Variants in GALNT13 observed in about 807,000 individuals in gnomAD.
GALNT13 encodes polypeptide N-acetylgalactosaminyltransferase 13.
Under a neutral mutation model 64.2 loss-of-function variants are expected in GALNT13, and 28 were observed. The ratio of observed to expected loss-of-function variants is 0.44; its 90% CI spans 0.32 to 0.60. The LOEUF is 0.60. Ranked by LOEUF, GALNT13 falls within the 20% of genes least tolerant of loss-of-function variation. The probability of loss-of-function intolerance (pLI) is 0.05; values close to 1 mark genes in which losing one functional copy is unlikely to be tolerated. For missense variants in GALNT13, 577 were observed against 669.8 expected (o/e 0.86, Z 1.53); for synonymous variants, 214 against 224.6 (o/e 0.95, Z 0.42).
In GALNT13 at chr2:154,286,336, T is replaced by G. The variant is rs565578811; in HGVS notation, c.976-15073T>G. 3.3e-5 allele frequency among the ~76,000 whole-genome samples: 5 copies of G among 152,320 alleles called. No homozygotes were observed. In the South Asian group the frequency reaches 1.0e-3, roughly 32 times the overall value. On this transcript the variant is annotated intron_variant, in intron 8 of 12. Coordinates refer to ENST00000392825, the MANE Select transcript of GALNT13 (RefSeq NM_052917.4). ...CTTATCATACATGGCTTTTATTGTA[T>G]TGGGGTACATTTATTCTATACCTAG...
At chr2:153,236,526 C>T in the GALNT13 span, among the ~76,000 whole-genome samples, 8 of 152,004 alleles carry the variant, frequency 5.3e-5, no homozygotes. Flanking sequence ...AATCCGAGGA[C>T]CCTTAAGAAT....
the GALNT13 span, among the ~76,000 whole-genome samples, chr2:153,315,772 T>C: frequency 6.6e-6 from 1 of 152,146 alleles, no homozygotes; most frequent in African/African-American, 2.4e-5. Flanking sequence ...GTTGCTAAGA[T>C]TGGTCATAAA....
chr2:154,343,260 T>A (rs1328821556), intron 9 of GALNT13, among the ~76,000 whole-genome samples: 1 of 151,970 alleles, frequency 6.6e-6, no homozygotes, highest in Non-Finnish European at 1.5e-5. Context: ...AAAAAGAAAA[T>A]GTTAAGGAAT....
the GALNT13 span, among the ~76,000 whole-genome samples, chr2:153,663,137 T>G: frequency 1.3e-5 from 2 of 152,210 alleles, no homozygotes; most frequent in African/African-American, 4.8e-5. Context: ...TGTGAGTAGC[T>G]GAATATCCAT....
the GALNT13 span, among the ~76,000 whole-genome samples, chr2:153,142,959 C>T: frequency 6.6e-6 from 1 of 151,704 alleles, no homozygotes; most frequent in Non-Finnish European, 1.5e-5. Flanking sequence ...GTTCAACTTC[C>T]CAAGGAGAAT....
At chr2:153,404,608 C>T in the GALNT13 span, among the ~76,000 whole-genome samples, 152 of 151,938 alleles carry the variant, frequency 1.0e-3, no homozygotes, top group African/African-American at 3.6e-3. Flanking sequence ...TACATCATTT[C>T]TCTCTGATAA....
chr2:153,862,817 A>T, the GALNT13 span, among the ~76,000 whole-genome samples: 1 of 152,088 alleles, frequency 6.6e-6, no homozygotes, highest in African/African-American at 2.4e-5. Flanking sequence ...CTAATGAAAA[A>T]TTCTAATATG....
At chr2:154,136,448 A>G (rs1682954526) in intron 3 of GALNT13, among the ~76,000 whole-genome samples, 1 of 152,060 alleles carries the variant, frequency 6.6e-6, no homozygotes, top group African/African-American at 2.4e-5. Context: ...TCTTTTTTCA[A>G]AGAGACACTG....
the GALNT13 span, among the ~76,000 whole-genome samples, chr2:153,402,409 G>T: frequency 6.6e-6 from 1 of 151,130 alleles, no homozygotes; most frequent in South Asian, 2.1e-4. Flanking sequence ...ATGTGTCTTG[G>T]AGTTGCTCTT....
chr2:154,426,146 C>T (rs1409505848), intron 11 of GALNT13, among the ~76,000 whole-genome samples: 1 of 152,188 alleles, frequency 6.6e-6, no homozygotes, highest in African/African-American at 2.4e-5. Context: ...CCTCTTCCAA[C>T]CTCCCTGGTT....
intron 3 of GALNT13, among the ~76,000 whole-genome samples, chr2:154,137,565 G>A (rs1683026185): frequency 6.6e-6 from 1 of 152,066 alleles, no homozygotes; most frequent in Non-Finnish European, 1.5e-5. Flanking sequence ...AATTACTCCT[G>A]CTACCACTGA....
chr2:153,330,583 A>G, the GALNT13 span, among the ~76,000 whole-genome samples: 1 of 151,922 alleles, frequency 6.6e-6, no homozygotes, highest in South Asian at 2.1e-4. Context: ...TTATTAATAT[A>G]TAGAAATGGT....
chr2:153,384,893 T>A, the GALNT13 span, among the ~76,000 whole-genome samples: 1 of 151,978 alleles, frequency 6.6e-6, no homozygotes, highest in Non-Finnish European at 1.5e-5. Flanking sequence ...TAAATAAGGA[T>A]GACTACAGAG....
intron 3 of GALNT13, among the ~76,000 whole-genome samples, chr2:154,084,372 T>G: frequency 6.6e-6 from 1 of 151,876 alleles, no homozygotes; most frequent in Non-Finnish European, 1.5e-5. Context: ...AAAAATTAGG[T>G]TGATATATCT....
the GALNT13 span, among the ~76,000 whole-genome samples, chr2:153,347,644 T>C: frequency 2.0e-5 from 3 of 152,174 alleles, no homozygotes; most frequent in African/African-American, 7.2e-5. Context: ...CCTAGTATAC[T>C]AGAAGTCATG....
At chr2:154,403,492 A>G (rs943588447) in intron 10 of GALNT13, among the ~76,000 whole-genome samples, 2 of 151,628 alleles carry the variant, frequency 1.3e-5, no homozygotes, top group African/African-American at 4.8e-5. Context: ...AAGCTTTCAG[A>G]TATTGTCTCT....
At chr2:154,354,077 C>G (rs114855154) in intron 9 of GALNT13, among the ~76,000 whole-genome samples, 1 of 152,152 alleles carries the variant, frequency 6.6e-6, no homozygotes, top group Non-Finnish European at 1.5e-5. Flanking sequence ...TTTGCTATCA[C>G]TTGTCTCATT....
At chr2:153,583,303 G>T in the GALNT13 span, among the ~76,000 whole-genome samples, 1 of 152,270 alleles carries the variant, frequency 6.6e-6, no homozygotes, top group Non-Finnish European at 1.5e-5. Context: ...AATTACAATT[G>T]TTTATTACTG....
At chr2:154,283,973 T>C (rs1028096141) in intron 8 of GALNT13, among the ~76,000 whole-genome samples, 3 of 152,218 alleles carry the variant, frequency 2.0e-5, no homozygotes, top group Non-Finnish European at 4.4e-5. Context: ...ACGTATATTC[T>C]TTTATTTTTA....
Sources: gnomAD v4.1 joint callset for allele counts (sites outside exome capture counted in the v4.1 genomes callset) on GRCh38, gnomAD v4.1.1 for gene constraint, MANE v1.5 for transcripts, NCBI Gene and HGNC (gene_info 2026-07-23, HGNC 2026-07-21) for gene names.